The following DMD variants were observed in gnomAD, a reference collection of about 807,000 sequenced individuals.
DMD encodes the protein mutant dystrophin.
A neutral mutation model predicts 330.1 loss-of-function variants in DMD; 63 were observed. The ratio of observed to expected loss-of-function variants is 0.19; its 90% CI spans 0.16 to 0.24. DMD has a LOEUF of 0.24. Among genes scored for constraint, DMD ranks in the 10% least tolerant of loss-of-function variants. DMD has a pLI of 1.00. For missense variants in DMD, 3,344 were observed against 2,684.1 expected (o/e 1.25, Z -5.43); for synonymous variants, 1,223 against 959.8 (o/e 1.27, Z -5.07).
chrX:33,069,314 G>T (rs780147997), intron 1 of DMD, among the ~76,000 whole-genome samples: 1 of 110,976 alleles, frequency 9.0e-6, no homozygotes, highest in Non-Finnish European at 1.9e-5. Context: ...TGGTAAGGGG[G>T]TACTTTGCAA....
chrX:32,892,144 GCACATGATC>G (rs1308956600), intron 2 of DMD, among the ~76,000 whole-genome samples: 1 of 111,973 alleles, frequency 8.9e-6, no homozygotes, highest in East Asian at 2.8e-4. Flanking sequence ...CCTACAATTT[GCACATGATC>G]CACATGATCT....
chrX:32,196,915 G>A (rs1305792346), intron 44 of DMD, among the ~76,000 whole-genome samples: 2 of 101,518 alleles, frequency 2.0e-5, no homozygotes, highest in East Asian at 6.4e-4. Flanking sequence ...AAACCCGGGA[G>A]GCAGAGCTTG....
Position 31,121,206 on chromosome X carries a change from A to ATAAC in DMD, c.*709_*712dup, listed in dbSNP as rs1363492934. 2.7e-5 allele frequency: 3 copies of ATAAC among 111,924 alleles called. No homozygotes were observed. The highest frequency in any genetic ancestry group is 9.6e-5 in the Admixed American group (1 of 10,428). 9.2% of individuals were successfully genotyped at this position (111,924 alleles called of 1,213,427 possible). ...TAGAAATTCGTATCTCTTTATCTAT[A>ATAAC]TAACTATAGTATTTATATACTTATA... On this transcript the variant is annotated 3_prime_UTR_variant, in exon 79 of 79. Transcript: ENST00000357033.
chrX:32,346,216 T>A (rs751121276), intron 38 of DMD, 136 bp from the exon 39 acceptor site: 53 of 683,816 alleles, frequency 7.8e-5, no homozygotes, highest in Non-Finnish European at 1.1e-4. Flanking sequence ...TATTATAAGA[T>A]ACTGTGCTCA....
chrX:31,714,858 A>G (rs1228068795), intron 52 of DMD, among the ~76,000 whole-genome samples: 2 of 111,803 alleles, frequency 1.8e-5, no homozygotes, highest in East Asian at 5.6e-4. Context: ...GCAAAGTATT[A>G]TGGACAGCCT....
intron 78 of DMD, among the ~76,000 whole-genome samples, chrX:31,124,562 C>T (rs1054512549): frequency 2.7e-5 from 3 of 111,682 alleles, no homozygotes; most frequent in African/African-American, 9.8e-5. Flanking sequence ...GAAAAGCAGC[C>T]AGGATTCAGG....
At chrX:31,860,912 C>CA (rs2093687774) in intron 48 of DMD, among the ~76,000 whole-genome samples, 1 of 112,148 alleles carries the variant, frequency 8.9e-6, no homozygotes, top group Non-Finnish European at 1.9e-5. Context: ...TCATGTTGAA[C>CA]TTCTGTCCAG....
intron 78 of DMD, among the ~76,000 whole-genome samples, chrX:31,122,515 T>C (rs2147598616): frequency 9.0e-6 from 1 of 111,516 alleles, no homozygotes; most frequent in East Asian, 2.8e-4. Context: ...TCTGAGGCTA[T>C]GGTGGAGGTG....
chrX:31,687,719 G>A (rs1471693481), intron 52 of DMD, among the ~76,000 whole-genome samples: 2 of 111,895 alleles, frequency 1.8e-5, no homozygotes, highest in African/African-American at 3.2e-5. Flanking sequence ...GGATATGCCC[G>A]GGGCCTAAGA....
At chrX:31,307,229 G>A (rs2055109516) in intron 62 of DMD, among the ~76,000 whole-genome samples, 1 of 111,787 alleles carries the variant, frequency 8.9e-6, no homozygotes, top group South Asian at 3.7e-4. Context: ...TGACTTTGTA[G>A]TTTGAACATG....
At chrX:31,398,790 C>T (rs1420308024) in intron 60 of DMD, among the ~76,000 whole-genome samples, 1 of 112,049 alleles carries the variant, frequency 8.9e-6, no homozygotes, top group African/African-American at 3.2e-5. Context: ...GTAGTTGGGA[C>T]TATAGGTGTA....
At chrX:32,874,192 C>G (rs993347431) in intron 2 of DMD, among the ~76,000 whole-genome samples, 2 of 111,988 alleles carry the variant, frequency 1.8e-5, no homozygotes, top group African/African-American at 3.2e-5. Flanking sequence ...AACAGATAAG[C>G]TTTTCATGTC....
At chrX:32,410,720 C>G (rs777784625) in intron 30 of DMD, among the ~76,000 whole-genome samples, 1 of 111,437 alleles carries the variant, frequency 9.0e-6, no homozygotes, top group Non-Finnish European at 1.9e-5. Flanking sequence ...ACCCTAAAGA[C>G]TTTTGAATAA....
intron 1 of DMD, among the ~76,000 whole-genome samples, chrX:33,259,416 A>G (rs188215674): frequency 9.1e-6 from 1 of 110,448 alleles, no homozygotes; most frequent in Non-Finnish European, 1.9e-5. Flanking sequence ...GTCCACCACT[A>G]TAGAATCATA....
chrX:33,063,795 G>A (rs2094609755), intron 1 of DMD, among the ~76,000 whole-genome samples: 1 of 110,236 alleles, frequency 9.1e-6, no homozygotes, highest in Non-Finnish European at 1.9e-5. Context: ...CGGGGCTTGG[G>A]CATATGGTTG....
chrX:33,230,531 T>C lies in DMD; in HGVS notation c.7+108728A>G, dbSNP rs773323548. Among the ~76,000 whole-genome samples, 3 of 111,637 alleles carry C rather than the reference T, an allele frequency of 2.7e-5. No individual in the cohort carries two copies. In the South Asian group the frequency reaches 1.1e-3, roughly 41 times the overall value. Reference sequence around the variant, plus strand: ...ATATATCCCCTGCATTATAACAATATAATTATTGGAAAGTATAATATTCTT... The same window carrying C: ...ATATATCCCCTGCATTATAACAATACAATTATTGGAAAGTATAATATTCTT... On this transcript the variant is annotated intron_variant, in intron 1 of 17. Transcript: ENST00000288447.
intron 7 of DMD, among the ~76,000 whole-genome samples, chrX:32,782,654 C>T (rs760623523): frequency 4.5e-4 from 50 of 110,613 alleles, no homozygotes; most frequent in Non-Finnish European, 8.5e-4. Flanking sequence ...GTGGGCCCTC[C>T]GTATCTGCGG....
intron 47 of DMD, among the ~76,000 whole-genome samples, chrX:31,925,611 C>T (rs2094759891): frequency 1.8e-5 from 2 of 111,320 alleles, no homozygotes; most frequent in Admixed American, 1.9e-4. Flanking sequence ...GTGGCTCACG[C>T]CTGTAATATC....
intron 29 of DMD, among the ~76,000 whole-genome samples, chrX:32,421,502 G>T (rs2098189589): frequency 9.0e-6 from 1 of 111,613 alleles, no homozygotes; most frequent in Admixed American, 9.5e-5. Flanking sequence ...GGTTGGGAGT[G>T]CAGAAAGATG....
Sources: allele counts gnomAD v4.1 joint callset (sites outside exome capture counted in the v4.1 genomes callset), GRCh38; gene constraint gnomAD v4.1.1; transcripts MANE v1.5; gene names NCBI Gene and HGNC (gene_info 2026-07-23, HGNC 2026-07-21).